The following HS6ST3 variants were observed in gnomAD, a reference collection of about 807,000 sequenced individuals.
HS6ST3 encodes heparan sulfate 6-O-sulfotransferase 3.
HS6ST3 carries 12 observed loss-of-function variants against 36.7 expected under a neutral mutation model. The observed-to-expected ratio is 0.33, with a 90% CI of 0.21 to 0.53. HS6ST3 has a LOEUF of 0.53. Ranked by LOEUF, HS6ST3 falls within the 20% of genes least tolerant of loss-of-function variation. The pLI, the probability that HS6ST3 is intolerant of heterozygous loss-of-function variation, is 0.95. For synonymous variants in HS6ST3, 240 were observed against 257.5 expected (o/e 0.93, Z 0.65); for missense variants, 584 against 640.9 (o/e 0.91, Z 0.96).
intron 1 of HS6ST3, among the ~76,000 whole-genome samples, chr13:96,756,838 T>A (rs146730880): frequency 6.6e-6 from 1 of 152,366 alleles, no homozygotes; most frequent in Non-Finnish European, 1.5e-5. Context: ...TTGTCCTATC[T>A]ACTGAGACAT....
chr13:96,509,409 A>G (rs761667522), intron 1 of HS6ST3, among the ~76,000 whole-genome samples: 1 of 152,084 alleles, frequency 6.6e-6, no homozygotes, highest in Non-Finnish European at 1.5e-5. Flanking sequence ...TTAGTCATAA[A>G]TTATTTGCCT....
At chr13:96,484,641 C>G (rs1862051586) in intron 1 of HS6ST3, among the ~76,000 whole-genome samples, 1 of 152,168 alleles carries the variant, frequency 6.6e-6, no homozygotes, top group Admixed American at 6.6e-5. Flanking sequence ...AGCGTAATGT[C>G]CTCCAGATTC....
chr13:96,474,266 G>A (rs1242073132), intron 1 of HS6ST3, among the ~76,000 whole-genome samples: 1 of 152,174 alleles, frequency 6.6e-6, no homozygotes, highest in Non-Finnish European at 1.5e-5. Context: ...GTTAGTGATG[G>A]CAACGTGTCA....
intron 1 of HS6ST3, among the ~76,000 whole-genome samples, chr13:96,256,154 G>A (rs2054636444): frequency 6.6e-6 from 1 of 152,160 alleles, no homozygotes; most frequent in Admixed American, 6.5e-5. Context: ...CGATGGTAGT[G>A]CCGTCATGCC....
intron 1 of HS6ST3, among the ~76,000 whole-genome samples, chr13:96,731,520 C>T (rs575873961): frequency 6.6e-6 from 1 of 152,196 alleles, no homozygotes; most frequent in African/African-American, 2.4e-5. Context: ...GATTCTGTAT[C>T]TTGGCTCTTG....
chr13:96,261,314 T>A (rs1254851504), intron 1 of HS6ST3, among the ~76,000 whole-genome samples: 2 of 149,920 alleles, frequency 1.3e-5, no homozygotes, highest in Non-Finnish European at 1.5e-5. Context: ...GTGAATGATT[T>A]TATATATATA....
In HS6ST3 at chr13:96,698,830, C is replaced by T. The variant is rs557079231; in HGVS notation, c.708-133660C>T. 9.9e-5 allele frequency among the ~76,000 whole-genome samples: 15 copies of T among 152,234 alleles called. No individual in the cohort carries two copies. The South Asian group carries it at 1.0e-3, about 11-fold the overall frequency. On this transcript the variant is annotated intron_variant, in intron 1 of 1. Coordinates refer to ENST00000376705, the MANE Select transcript of HS6ST3 (RefSeq NM_153456.4). ...CAAAAGAACAAAGCTGGAGGCATCA[C>T]GCTACCTGACTTCAAACTATACTAC... is the stretch of plus-strand genomic sequence containing the variant.
At chr13:96,392,964 T>A (rs1021271393) in intron 1 of HS6ST3, among the ~76,000 whole-genome samples, 6 of 152,218 alleles carry the variant, frequency 3.9e-5, no homozygotes, top group Non-Finnish European at 7.3e-5. Flanking sequence ...CTCCCATAAT[T>A]CCTACCTGCT....
chr13:96,277,519 T>A (rs562407644), intron 1 of HS6ST3, among the ~76,000 whole-genome samples: 1 of 152,316 alleles, frequency 6.6e-6, no homozygotes, highest in Admixed American at 6.5e-5. Flanking sequence ...AATTTCTTTA[T>A]TTATTCAGAA....
chr13:96,281,239 C>T (rs113516696), intron 1 of HS6ST3, among the ~76,000 whole-genome samples: 3 of 152,182 alleles, frequency 2.0e-5, no homozygotes, highest in African/African-American at 4.8e-5. Context: ...CTCTTGACCT[C>T]GTGATCTGCC....
At chr13:96,220,702 A>G (rs1049409747) in intron 1 of HS6ST3, among the ~76,000 whole-genome samples, 3 of 152,232 alleles carry the variant, frequency 2.0e-5, no homozygotes, top group African/African-American at 7.2e-5. Context: ...ATAAATTCAC[A>G]TATTAGATGG....
intron 1 of HS6ST3, among the ~76,000 whole-genome samples, chr13:96,289,895 A>G (rs568302671): frequency 2.0e-5 from 3 of 152,264 alleles, no homozygotes; most frequent in African/African-American, 7.2e-5. Flanking sequence ...AAAGAGAAGC[A>G]AGAGAACATG....
intron 1 of HS6ST3, among the ~76,000 whole-genome samples, chr13:96,511,401 A>G (rs1050129523): frequency 6.6e-6 from 1 of 152,030 alleles, no homozygotes; most frequent in Non-Finnish European, 1.5e-5. Context: ...CATCCCTCCA[A>G]TAGCCCACAG....
At chr13:96,196,559 G>A (rs1434910280) in intron 1 of HS6ST3, among the ~76,000 whole-genome samples, 1 of 152,188 alleles carries the variant, frequency 6.6e-6, no homozygotes, top group Non-Finnish European at 1.5e-5. Flanking sequence ...AAGGCCATGG[G>A]ACCAGTGAAT....
At chr13:96,275,697 A>T (rs1446263807) in intron 1 of HS6ST3, among the ~76,000 whole-genome samples, 1 of 152,176 alleles carries the variant, frequency 6.6e-6, no homozygotes, top group African/African-American at 2.4e-5. Flanking sequence ...GGTTTAAAGC[A>T]TTCTTCTTTG....
chr13:96,161,800 C>T (rs1441163349), intron 1 of HS6ST3, among the ~76,000 whole-genome samples: 1 of 152,246 alleles, frequency 6.6e-6, no homozygotes, highest in East Asian at 1.9e-4. Flanking sequence ...AAATTTTTCT[C>T]ACATAAAATA....
At chr13:96,665,445 A>G (rs1341168500) in intron 1 of HS6ST3, among the ~76,000 whole-genome samples, 1 of 152,164 alleles carries the variant, frequency 6.6e-6, no homozygotes, top group African/African-American at 2.4e-5. Flanking sequence ...GCATAAGTAT[A>G]CCAAAGAAAA....
intron 1 of HS6ST3, among the ~76,000 whole-genome samples, chr13:96,793,581 A>G (rs1416043606): frequency 2.0e-5 from 3 of 152,046 alleles, no homozygotes; most frequent in Non-Finnish European, 4.4e-5. Context: ...GGGCCTGCCC[A>G]TGGTAGCACG....
intron 1 of HS6ST3, among the ~76,000 whole-genome samples, chr13:96,349,562 C>T (rs1197356399): frequency 6.6e-6 from 1 of 152,178 alleles, no homozygotes; most frequent in Non-Finnish European, 1.5e-5. Flanking sequence ...TATAGGGATT[C>T]ACTTCGCTTC....
Sources: gnomAD v4.1 joint callset for allele counts (sites outside exome capture counted in the v4.1 genomes callset) on GRCh38, gnomAD v4.1.1 for gene constraint, MANE v1.5 for transcripts, NCBI Gene and HGNC (gene_info 2026-07-23, HGNC 2026-07-21) for gene names.